Variants in SORCS3 observed in about 807,000 individuals in gnomAD.
SORCS3 encodes the protein VPS10 domain-containing receptor SorCS3.
A neutral mutation model predicts 146.3 loss-of-function variants in SORCS3; 57 were observed. The ratio of observed to expected loss-of-function variants is 0.39; its 90% CI spans 0.31 to 0.49. SORCS3 has a LOEUF of 0.49. Ranked by LOEUF, SORCS3 falls within the 20% of genes least tolerant of loss-of-function variation. The pLI is 0.92. For missense variants in SORCS3, 1,341 were observed against 1,575.5 expected (o/e 0.85, Z 2.52); for synonymous variants, 653 against 618.5 (o/e 1.06, Z -0.83).
intron 5 of SORCS3, among the ~76,000 whole-genome samples, chr10:105,047,796 G>T (rs2133708114): frequency 6.6e-6 from 1 of 152,188 alleles, no homozygotes; most frequent in African/African-American, 2.4e-5. Flanking sequence ...TGGTGTTTGT[G>T]CCAGCAGCTT....
At chr10:105,140,333 G>A (rs990977364) in intron 8 of SORCS3, among the ~76,000 whole-genome samples, 11 of 147,952 alleles carry the variant, frequency 7.4e-5, no homozygotes, top group Admixed American at 4.2e-4. Context: ...TTATGCATGC[G>A]TGTATTCATT....
At chr10:104,844,986 G>A (rs2018187131) in intron 2 of SORCS3, among the ~76,000 whole-genome samples, 1 of 152,044 alleles carries the variant, frequency 6.6e-6, no homozygotes, top group South Asian at 2.1e-4. Flanking sequence ...ATATAAATTG[G>A]GGTTAGCACA....
At chr10:105,013,711 A>G (rs1386607995) in intron 4 of SORCS3, among the ~76,000 whole-genome samples, 1 of 152,124 alleles carries the variant, frequency 6.6e-6, no homozygotes, top group African/African-American at 2.4e-5. Flanking sequence ...TACACCATAT[A>G]CATTTACTGG....
At chr10:105,051,949 A>G (rs1232278776) in intron 5 of SORCS3, among the ~76,000 whole-genome samples, 1 of 152,186 alleles carries the variant, frequency 6.6e-6, no homozygotes. Flanking sequence ...GGGGCTACCC[A>G]TGCTGTATGT....
rs1158518063 is a variant in SORCS3 at position 104,887,980 on chromosome 10, A to C, written c.696-27853A>C. The stretch of plus-strand genomic sequence containing the variant: ...GGGGCGGGGGGGCGGGGGCGGAGCA[A>C]GCCCATGAAGACAGCATGAGACCAA... On this transcript the variant is annotated intron_variant, in intron 2 of 26. Transcript: ENST00000369701. Among the ~76,000 whole-genome samples, 4 of 141,146 alleles carry C rather than the reference A, an allele frequency of 2.8e-5. No homozygotes were observed. In the East Asian group the frequency reaches 8.0e-4, roughly 28 times the overall value. 92.6% of individuals were successfully genotyped at this position (141,146 alleles called of 152,430 possible).
At chr10:104,814,542 A>G (rs1409386739) in intron 1 of SORCS3, among the ~76,000 whole-genome samples, 2 of 152,040 alleles carry the variant, frequency 1.3e-5, no homozygotes, top group East Asian at 3.9e-4. Flanking sequence ...ACCCCTATTC[A>G]TCCTCTAGAA....
At chr10:105,098,044 A>G (rs2055758660) in intron 6 of SORCS3, among the ~76,000 whole-genome samples, 2 of 152,250 alleles carry the variant, frequency 1.3e-5, no homozygotes, top group Non-Finnish European at 2.9e-5. Flanking sequence ...GGCATATGTA[A>G]GTAATCAAAT....
intron 2 of SORCS3, among the ~76,000 whole-genome samples, chr10:104,876,754 T>TC (rs2018577637): frequency 2.0e-5 from 1 of 50,642 alleles, no homozygotes; most frequent in African/African-American, 1.2e-4. Context: ...TTCCTTTCTT[T>TC]CTTTCTCTTC....
intron 1 of SORCS3, among the ~76,000 whole-genome samples, chr10:104,764,002 C>CT (rs58439388): frequency 0.62 from 89,240 of 142,800 alleles, 28,572 homozygotes; most frequent in East Asian, 0.85. Flanking sequence ...TCAATTAAAC[C>CT]TTTTTTTTTT....
intron 13 of SORCS3, among the ~76,000 whole-genome samples, chr10:105,175,686 A>G (rs529433767): frequency 1.1e-4 from 17 of 152,318 alleles, no homozygotes; most frequent in African/African-American, 3.8e-4. Context: ...GATATGCCCA[A>G]CTTTCTTGGG....
intron 1 of SORCS3, among the ~76,000 whole-genome samples, chr10:104,809,622 T>C (rs1165918703): frequency 6.6e-6 from 1 of 152,224 alleles, no homozygotes; most frequent in Non-Finnish European, 1.5e-5. Flanking sequence ...GTTGCAGGAA[T>C]GTGTGACATC....
chr10:104,730,707 T>C (rs2016695818), intron 1 of SORCS3, among the ~76,000 whole-genome samples: 1 of 152,206 alleles, frequency 6.6e-6, no homozygotes, highest in Non-Finnish European at 1.5e-5. Context: ...TGGGGAGGCC[T>C]CAGGAAACTT....
intron 4 of SORCS3, among the ~76,000 whole-genome samples, chr10:104,990,610 A>G (rs907571985): frequency 2.0e-5 from 3 of 152,058 alleles, no homozygotes; most frequent in Admixed American, 6.5e-5. Context: ...CACCTGGGAC[A>G]CCTGTGAATA....
At chr10:105,203,997 T>G (rs867272394) in intron 16 of SORCS3, among the ~76,000 whole-genome samples, 1 of 152,156 alleles carries the variant, frequency 6.6e-6, no homozygotes, top group South Asian at 2.1e-4. Context: ...ACTTCAGTAC[T>G]GGTGGCATTG....
In SORCS3 at chr10:104,801,109, T is replaced by G. The variant is rs1219159552; in HGVS notation, c.628-41683T>G. ...TTATTGTAAATGGTAAGGGGCACAG[T>G]CAGATGGCCTGGGATCAAATCCCAT... On this transcript the variant is annotated intron_variant, in intron 1 of 26. Coordinates refer to ENST00000369701, the MANE Select transcript of SORCS3 (RefSeq NM_014978.3). Among the ~76,000 whole-genome samples the G allele has an allele frequency of 4.6e-5, 7 of 152,346 alleles. No homozygotes were observed. The South Asian group carries it at 1.4e-3, about 32-fold the overall frequency.
intron 7 of SORCS3, among the ~76,000 whole-genome samples, chr10:105,117,092 T>G (rs1174782244): frequency 6.6e-6 from 1 of 151,904 alleles, no homozygotes; most frequent in East Asian, 1.9e-4. Context: ...TTATGTCAGG[T>G]AGGCAAGTCT....
In SORCS3 at chr10:104,903,752, T is replaced by G. The variant is rs1480496785; in HGVS notation, c.696-12081T>G. On this transcript the variant is annotated intron_variant, in intron 2 of 26. Transcript: ENST00000369701. ...GTTATCTGCTTTTTAAACTCTTATTTTCTTATGAGTGTACAGTGGAGTTTA... is the reference window on the plus strand; with the variant it reads ...GTTATCTGCTTTTTAAACTCTTATTGTCTTATGAGTGTACAGTGGAGTTTA... Among the ~76,000 whole-genome samples the G allele has an allele frequency of 3.9e-5, 6 of 152,172 alleles. No individual in the cohort carries two copies. The East Asian group carries it at 1.2e-3, about 29-fold the overall frequency.
At chr10:105,059,944 C>T (rs1313027476) in intron 5 of SORCS3, among the ~76,000 whole-genome samples, 1 of 152,174 alleles carries the variant, frequency 6.6e-6, no homozygotes. Flanking sequence ...AAATACATAA[C>T]TGTTGGTTTA....
intron 5 of SORCS3, among the ~76,000 whole-genome samples, chr10:105,064,363 T>G (rs1387444687): frequency 6.6e-6 from 1 of 152,098 alleles, no homozygotes; most frequent in African/African-American, 2.4e-5. Flanking sequence ...AGGAGATAGA[T>G]AGATACAAAG....
Sources: gnomAD v4.1 joint callset for allele counts (sites outside exome capture counted in the v4.1 genomes callset) on GRCh38, gnomAD v4.1.1 for gene constraint, MANE v1.5 for transcripts, NCBI Gene and HGNC (gene_info 2026-07-23, HGNC 2026-07-21) for gene names.